ENTPD1: variants seen among roughly 807,000 people sequenced by gnomAD.
ENTPD1 encodes the protein ATP diphosphohydrolase.
Under a neutral mutation model 57.0 loss-of-function variants are expected in ENTPD1, and 33 were observed. The observed-to-expected ratio is 0.58, with a 90% CI of 0.44 to 0.77. The LOEUF (loss-of-function observed/expected upper bound fraction) is 0.77, where lower values mean the gene tolerates loss of function less well. Ranked by LOEUF, ENTPD1 falls within the 30% of genes least tolerant of loss-of-function variation. The pLI, the probability that ENTPD1 is intolerant of heterozygous loss-of-function variation, is 0.00. For synonymous variants in ENTPD1, 202 were observed against 218.8 expected (o/e 0.92, Z 0.68); for missense variants, 501 against 603.4 (o/e 0.83, Z 1.78).
chr10:95,694,794 G>A, the ENTPD1 span, among the ~76,000 whole-genome samples: 206 of 151,948 alleles, frequency 1.4e-3, no homozygotes, highest in African/African-American at 4.9e-3. Flanking sequence ...ACTTTCCTTC[G>A]GTATTGGAAA....
At chr10:95,717,792 G>A (rs2097973220) in intron 1 of ENTPD1, among the ~76,000 whole-genome samples, 1 of 152,194 alleles carries the variant, frequency 6.6e-6, no homozygotes, top group South Asian at 2.1e-4. Flanking sequence ...TCGTGCAGTT[G>A]AGATTTCCTC....
chr10:95,736,115 C>T (rs570802216), intron 1 of ENTPD1, among the ~76,000 whole-genome samples: 1 of 151,824 alleles, frequency 6.6e-6, no homozygotes, highest in African/African-American at 2.4e-5. Context: ...ATTCTCCTGC[C>T]TCAGCCTCCA....
the ENTPD1 span, among the ~76,000 whole-genome samples, chr10:95,698,095 C>T: frequency 1.3e-5 from 2 of 152,112 alleles, no homozygotes; most frequent in African/African-American, 2.4e-5. Context: ...GAAATATGGA[C>T]AGTAAAGGCC....
chr10:95,763,763 G>A (rs182872064), intron 1 of ENTPD1, among the ~76,000 whole-genome samples: 2 of 152,302 alleles, frequency 1.3e-5, no homozygotes, highest in Admixed American at 6.5e-5. Context: ...AAACGAATAC[G>A]GTAAGTGTTT....
At chr10:95,812,667 C>T (rs1205894009) in intron 1 of ENTPD1, among the ~76,000 whole-genome samples, 3 of 152,186 alleles carry the variant, frequency 2.0e-5, no homozygotes, top group Admixed American at 1.3e-4. Context: ...CTGCCAAACA[C>T]TTTCTCAAAG....
At chr10:95,733,616 A>C (rs1005572363) in intron 1 of ENTPD1, among the ~76,000 whole-genome samples, 10 of 152,222 alleles carry the variant, frequency 6.6e-5, no homozygotes, top group African/African-American at 2.4e-4. Context: ...TGTCCATGAA[A>C]TCTTCACAAT....
chr10:95,741,965 C>A (rs781424654), intron 1 of ENTPD1, among the ~76,000 whole-genome samples: 2 of 152,112 alleles, frequency 1.3e-5, no homozygotes, highest in African/African-American at 2.4e-5. Flanking sequence ...GATTTGTCAC[C>A]CCTGGCTGAT....
At chr10:95,695,556 C>G in the ENTPD1 span, among the ~76,000 whole-genome samples, 3 of 152,138 alleles carry the variant, frequency 2.0e-5, no homozygotes, top group African/African-American at 7.2e-5. Context: ...CTAAAAGTCT[C>G]TCTGTGTTAT....
At chr10:95,800,627 C>A (rs2098245247) in intron 1 of ENTPD1, among the ~76,000 whole-genome samples, 1 of 152,056 alleles carries the variant, frequency 6.6e-6, no homozygotes, top group Admixed American at 6.5e-5. Context: ...TAGACCTATC[C>A]CCAGGAATGC....
rs2098474740 is a variant in ENTPD1 at position 95,866,524 on chromosome 10, T to C, written c.*141T>C. Reference sequence around the variant, plus strand: ...AGTGTGAAGCTTCCTTGGCTTTTACTGAAGCCTTTCTTTTGGAGGTATTCA... The same window carrying C: ...AGTGTGAAGCTTCCTTGGCTTTTACCGAAGCCTTTCTTTTGGAGGTATTCA... On this transcript the variant is annotated 3_prime_UTR_variant, in exon 10 of 10. Coordinates refer to ENST00000371205, the MANE Select transcript of ENTPD1 (RefSeq NM_001776.6). 2 of 1,523,728 alleles carry C rather than the reference T, an allele frequency of 1.3e-6. No homozygotes were observed. The highest frequency in any genetic ancestry group is 2.4e-5 in the South Asian group (2 of 81,928). The allele number at this position is 1,523,728 out of a possible 1,614,324, so 94.4% of individuals were successfully genotyped here.
the ENTPD1 span, among the ~76,000 whole-genome samples, chr10:95,704,428 C>T: frequency 3.3e-5 from 5 of 152,050 alleles, no homozygotes; most frequent in Non-Finnish European, 5.9e-5. Context: ...AAAATGGTAT[C>T]GCTTTGGCTC....
At position 95,819,573 on chromosome 10, in the gene ENTPD1, T is replaced by C. The variant is rs1439465135; in HGVS notation, c.17-3664T>C. 5.9e-5 allele frequency among the ~76,000 whole-genome samples: 9 copies of C among 152,188 alleles called. No homozygotes were observed. In the East Asian group the frequency reaches 1.7e-3, roughly 29 times the overall value. Reference sequence around the variant, plus strand: ...TTGCTTCCTTTGATTCTTATAAAAGTCTTGAAGGTATTTTTCCTCTGACAC... The same window carrying C: ...TTGCTTCCTTTGATTCTTATAAAAGCCTTGAAGGTATTTTTCCTCTGACAC... On this transcript the variant is annotated intron_variant, in intron 1 of 9. Coordinates refer to ENST00000371205, the MANE Select transcript of ENTPD1 (RefSeq NM_001776.6).
Position 95,864,873 on chromosome 10 carries a change from G to A in ENTPD1, c.1326+12G>A. ...ATTTCATTGGCAAGGTAATTTGGGG[G>A]CCTGTTGGGCTGGGGGGAGGTTGGG... On this transcript the variant is annotated intron_variant, in intron 9 of 9. Transcript: ENST00000371205. 2 of 1,612,508 alleles carry A rather than the reference G, an allele frequency of 1.2e-6. No homozygotes were observed. The highest frequency in any genetic ancestry group is 8.5e-7 in the Non-Finnish European group (1 of 1,179,882).
chr10:95,755,837 G>A, upstream of ENTPD1: 1 of 1,511,212 alleles, frequency 6.6e-7, no homozygotes. Context: ...CAGCTGAGAT[G>A]ACTTTTTCAA....
chr10:95,710,022 C>A (rs991829575), upstream of ENTPD1, among the ~76,000 whole-genome samples: 3 of 152,116 alleles, frequency 2.0e-5, no homozygotes. Flanking sequence ...GATCCACCCC[C>A]CTCGGCCTCC....
rs767608315 is a variant in ENTPD1, at chr10:95,839,640, T to C, written c.145-51T>C. 7 of 1,570,830 alleles carry C rather than the reference T, an allele frequency of 4.5e-6. No individual in the cohort carries two copies. In the Admixed American group the frequency reaches 1.2e-4, roughly 26 times the overall value. ...AGTCCTTTCTTTTGCAAGCCTAATATGGAGATGAGTGATGTGATACTGATA... is the reference window on the plus strand; with the variant it reads ...AGTCCTTTCTTTTGCAAGCCTAATACGGAGATGAGTGATGTGATACTGATA... On this transcript the variant is annotated intron_variant, in intron 2 of 9. Coordinates refer to ENST00000371205, the MANE Select transcript of ENTPD1 (RefSeq NM_001776.6).
chr10:95,711,971 G>C, exon 1 of ENTPD1: 1 of 1,610,252 alleles, frequency 6.2e-7, no homozygotes, highest in Non-Finnish European at 8.5e-7. Context: ...AGGGAACCAA[G>C]GACCTGACAA....
rs372922890 is a variant in ENTPD1, at chr10:95,866,206, G to T, written c.1356G>T (p.Leu452Phe). ...AGGGCAGCGACGCCGGCTGGACTTTGGGCTACATGCTGAACCTGACCAACA... is the reference window on the plus strand; with the variant it reads ...AGGGCAGCGACGCCGGCTGGACTTTTGGCTACATGCTGAACCTGACCAACA... ...KIQGSDAGWT[L>F]GYMLNLTNMI... Residue 452 changes from leucine (L) to phenylalanine (F), a missense_variant, in exon 10 of 10, where the codon TTG (leucine) becomes TTT (phenylalanine). Leu to Phe is a conservative substitution (Grantham distance 22). Transcript: ENST00000371205. The T allele has an allele frequency of 1.9e-6, 3 of 1,614,058 alleles. No homozygotes were observed. The highest frequency in any genetic ancestry group is 2.5e-6 in the Non-Finnish European group (3 of 1,179,984).
intron 1 of ENTPD1, among the ~76,000 whole-genome samples, chr10:95,758,028 AAAGAT>A (rs1422550021): frequency 2.3e-4 from 9 of 39,018 alleles, no homozygotes; most frequent in Admixed American, 3.8e-4. Flanking sequence ...AAAAAAAAAA[AAAGAT>A]TTGGACTGGA....
Sources: gnomAD v4.1 joint callset for allele counts (sites outside exome capture counted in the v4.1 genomes callset) on GRCh38, gnomAD v4.1.1 for gene constraint, MANE v1.5 for transcripts, NCBI Gene and HGNC (gene_info 2026-07-23, HGNC 2026-07-21) for gene names.